Variants in SATB1 observed in about 807,000 individuals in gnomAD.
SATB1 encodes DNA-binding protein SATB1.
SATB1 carries 11 observed loss-of-function variants against 86.9 expected under a neutral mutation model. That is an observed-to-expected ratio of 0.13 (90% CI 0.08 to 0.21). The LOEUF is 0.21. Among genes scored for constraint, SATB1 ranks in the 10% least tolerant of loss-of-function variants. The probability of loss-of-function intolerance (pLI) is 1.00; values close to 1 mark genes in which losing one functional copy is unlikely to be tolerated. For missense variants in SATB1, 551 were observed against 937.6 expected (o/e 0.59, Z 5.39); for synonymous variants, 357 against 357.2 (o/e 1.00, Z 0.01).
At position 18,349,223 on chromosome 3, in the gene SATB1, C is replaced by T; in HGVS notation, c.2239G>A (p.Glu747Lys). Reference protein sequence around the residue: ...TNTLFSVKLEEELSVEGNTDI... With the variant: ...TNTLFSVKLEKELSVEGNTDI... Reference sequence around the variant, plus strand: ...GTGTTTCCTTCCACTGACAGCTCTTCTTCTAGTTTCACTGAAAAAAGGGTG... The same window carrying T: ...GTGTTTCCTTCCACTGACAGCTCTTTTTCTAGTTTCACTGAAAAAAGGGTG... Residue 747 changes from glutamate (E) to lysine (K), a missense_variant, in exon 11 of 11, where the codon GAA (glutamate) becomes AAA (lysine). Physicochemically the swap from Glu to Lys is moderately conservative, Grantham distance 56. Around this residue, in one of 8 missense-constraint regions of SATB1, gnomAD observed 41 missense variants for 38.9 expected, o/e 1.06. Coordinates refer to ENST00000338745, the MANE Select transcript of SATB1 (RefSeq NM_002971.6). The surrounding 1 kb of genome is among the most constrained non-coding windows in gnomAD (Gnocchi z 5.5). The T allele has an allele frequency of 3.1e-6, 5 of 1,614,210 alleles. No homozygotes were observed. The South Asian group carries it at 3.3e-5, about 11-fold the overall frequency.
chr3:18,437,114 CA>C, intron 1 of SATB1, among the ~76,000 whole-genome samples: 1 of 152,120 alleles, frequency 6.6e-6, no homozygotes, highest in East Asian at 1.9e-4. Context: ...TAAGTAATCA[CA>C]ATTTGGCTAA....
At position 18,415,216 on chromosome 3, in the gene SATB1, G is replaced by A. The variant is rs750264478; in HGVS notation, c.534C>T (p.Asp178=). ...TGTGCGACCATTGTTCGGGAGGCAA[G>A]TCTTCTAGTTTGGGGCAACTATTTG... The part of the protein sequence containing the change: ...IQLHSCPKLE[D]LPPEQWSHTT... The change falls in exon 5 of 11, where the codon GAC becomes GAT. Residue 178 remains aspartate (D), a synonymous_variant. Coordinates refer to ENST00000338745, the MANE Select transcript of SATB1 (RefSeq NM_002971.6). The A allele has an allele frequency of 1.2e-6, 2 of 1,612,788 alleles. No homozygotes were observed. The highest frequency in any genetic ancestry group is 1.7e-6 in the Non-Finnish European group (2 of 1,179,170).
chr3:18,374,586 T>C (rs764961067), intron 9 of SATB1, among the ~76,000 whole-genome samples: 15 of 152,206 alleles, frequency 9.9e-5, no homozygotes, highest in African/African-American at 3.1e-4. Context: ...AAAAGTAGCC[T>C]ACCTTCAGTT....
upstream of SATB1, among the ~76,000 whole-genome samples, chr3:18,426,560 T>A (rs1249990413): frequency 6.6e-6 from 1 of 152,210 alleles, no homozygotes; most frequent in Non-Finnish European, 1.5e-5. This position sits in a 1 kb window ranked among gnomAD's most constrained non-coding sequence, Gnocchi z 4.2. Flanking sequence ...TTAAATATAG[T>A]TCATGTAAAA....
chr3:18,415,027 T>G (rs1698041704), intron 5 of SATB1, 84 bp downstream of exon 5: 1 of 1,497,314 alleles, frequency 6.7e-7, no homozygotes, highest in Admixed American at 1.9e-5. Flanking sequence ...AGATACCAGT[T>G]GCTTTAAACC....
intron 2 of SATB1, chr3:18,417,815 A>G (rs1698196254): frequency 6.9e-6 from 4 of 580,234 alleles, no homozygotes; most frequent in Non-Finnish European, 9.0e-6. Context: ...GTTACAGTAA[A>G]TAAGGTAAAA....
chr3:18,413,313 TCTCA>T (rs1237214418), intron 5 of SATB1, among the ~76,000 whole-genome samples: 1 of 152,092 alleles, frequency 6.6e-6, no homozygotes. Flanking sequence ...AACAATTAGT[TCTCA>T]CTGACTGTAT....
In SATB1 at chr3:18,444,083, G is replaced by C. The variant is rs542904924; in HGVS notation, c.-25+1435C>G. 6.6e-6 allele frequency among the ~76,000 whole-genome samples: 1 copy of C among 152,088 alleles called. No homozygotes were observed. Among genetic ancestry groups the C allele is most frequent in the Non-Finnish European group, 1.5e-5 (1 of 68,032 alleles). ...GCGCAGGCAGGGAGCGGAGGGAGGC[G>C]GAGATGGACCGGGAAAGGATGCTGA... is the stretch of plus-strand genomic sequence containing the variant. On this transcript the variant is annotated intron_variant, in intron 1 of 3. Transcript: ENST00000415069. The surrounding 1 kb of genome is among the most constrained non-coding windows in gnomAD (Gnocchi z 5.1).
rs1694566273 is a variant in SATB1 at position 18,355,125 on chromosome 3, G to A, written c.1576-2930C>T. Among the ~76,000 whole-genome samples, 7 of 151,950 alleles carry A rather than the reference G, an allele frequency of 4.6e-5. 1 individual carries two copies. The South Asian group carries it at 1.2e-3, about 27-fold the overall frequency. On this transcript the variant is annotated intron_variant, in intron 9 of 10. Coordinates refer to ENST00000338745, the MANE Select transcript of SATB1 (RefSeq NM_002971.6). ...GAAAAATATTTAACGGTGCAGCTGG[G>A]AACTGTTTGCTCTAAAGGGTATTCC...
chr3:18,362,412 G>T (rs1017396741), intron 9 of SATB1, among the ~76,000 whole-genome samples: 19 of 152,156 alleles, frequency 1.2e-4, no homozygotes, highest in African/African-American at 4.1e-4. Context: ...GGCAGCAAAT[G>T]CGGGTACACA....
intron 9 of SATB1, among the ~76,000 whole-genome samples, chr3:18,362,860 C>CAAAAAAAAAAAAAAAA (rs35470564): frequency 6.2e-5 from 2 of 32,294 alleles, no homozygotes; most frequent in Admixed American, 4.6e-4. Flanking sequence ...ATGCCATGTG[C>CAAAAAAAAAAAAAAAA]AAAAAAAAAA....
In SATB1 at chr3:18,347,686, GGA is replaced by G. The variant is rs771772536; in HGVS notation, c.*1482_*1483del. On this transcript the variant is annotated 3_prime_UTR_variant, in exon 11 of 11. Coordinates refer to ENST00000338745, the MANE Select transcript of SATB1 (RefSeq NM_002971.6). ...GCTAGAGACTGGATTTGTTTTTGTC[GGA>G]GAGTCTTTTGACCATCCTATCTCTA... 4 of 152,068 alleles carry G rather than the reference GGA, an allele frequency of 2.6e-5. No homozygotes were observed. Among genetic ancestry groups the G allele is most frequent in the Admixed American group, 1.3e-4 (2 of 15,274 alleles). 9.4% of individuals were successfully genotyped at this position (152,068 alleles called of 1,614,324 possible).
intron 9 of SATB1, among the ~76,000 whole-genome samples, chr3:18,360,111 A>G (rs1694835640): frequency 6.6e-6 from 1 of 152,138 alleles, no homozygotes; most frequent in Non-Finnish European, 1.5e-5. Context: ...AAGAATAGAG[A>G]ACCAGTGTCA....
chr3:18,375,797 A>C (rs1695716538), intron 9 of SATB1, among the ~76,000 whole-genome samples: 1 of 152,176 alleles, frequency 6.6e-6, no homozygotes, highest in South Asian at 2.1e-4. Flanking sequence ...GGGTAGTGCT[A>C]ACATTAAACT....
intron 9 of SATB1, among the ~76,000 whole-genome samples, chr3:18,357,934 C>T (rs1694728689): frequency 6.6e-6 from 1 of 151,690 alleles, no homozygotes; most frequent in East Asian, 1.9e-4. Flanking sequence ...CTTCACACAC[C>T]CACTTGTGAC....
In SATB1 at chr3:18,383,819, C is replaced by T. The variant is rs143140790; in HGVS notation, c.1419+2580G>A. ...AAGTACTAATTTTGCATTGATAATACCTTTAATACCTTAAGATTTCTTAAA... is the reference window on the plus strand; with the variant it reads ...AAGTACTAATTTTGCATTGATAATATCTTTAATACCTTAAGATTTCTTAAA... On this transcript the variant is annotated intron_variant, in intron 8 of 10. Transcript: ENST00000338745. 5.1e-3 allele frequency among the ~76,000 whole-genome samples: 779 copies of T among 152,120 alleles called. 17 individuals are homozygous for T. Among genetic ancestry groups the T allele is most frequent in the Admixed American group, 0.019 (286 of 15,274 alleles).
chr3:18,403,895 C>G (rs1457780916), intron 5 of SATB1, among the ~76,000 whole-genome samples: 4 of 152,002 alleles, frequency 2.6e-5, no homozygotes, highest in Admixed American at 6.6e-5. Flanking sequence ...ATTCTAATCT[C>G]CCACCCCTTT....
intron 2 of SATB1, chr3:18,417,559 A>C (rs955879887): frequency 1.6e-6 from 1 of 637,844 alleles, no homozygotes; most frequent in Non-Finnish European, 2.8e-6. Context: ...TCGACCACGA[A>C]ATTTTCATTT....
At position 18,425,167 on chromosome 3, in the gene SATB1, T is replaced by C. The variant is rs1054652203; in HGVS notation, c.-1565A>G. On this transcript the variant is annotated 5_prime_UTR_variant, in exon 1 of 11. Coordinates refer to ENST00000338745, the MANE Select transcript of SATB1 (RefSeq NM_002971.6). ...CTGCTGCTGCCGCCGCCGCCGCCGC[T>C]GCCGCTGTGGGTGCCTCTTCTTCCT... is the stretch of plus-strand genomic sequence containing the variant. 5 of 176,428 alleles carry C rather than the reference T, an allele frequency of 2.8e-5. No individual in the cohort carries two copies. Among genetic ancestry groups the C allele is most frequent in the African/African-American group, 4.8e-5 (2 of 41,568 alleles). 10.9% of individuals were successfully genotyped at this position (176,428 alleles called of 1,614,324 possible).
Sources: allele counts gnomAD v4.1 joint callset (sites outside exome capture counted in the v4.1 genomes callset), GRCh38; gene constraint gnomAD v4.1.1; regional missense constraint gnomAD v4.1.1; non-coding constraint Gnocchi (gnomAD v3.1); transcripts MANE v1.5; gene names NCBI Gene and HGNC (gene_info 2026-07-23, HGNC 2026-07-21).